RNF152: variants seen among roughly 807,000 people sequenced by gnomAD.
RNF152 encodes E3 ubiquitin-protein ligase RNF152.
Under a neutral mutation model 12.7 loss-of-function variants are expected in RNF152, and 11 were observed. That is an observed-to-expected ratio of 0.86 (90% CI 0.54 to 1.43). RNF152 has a LOEUF of 1.43. Among genes scored for constraint, RNF152 ranks in the 40% most tolerant of loss-of-function variants. The pLI, the probability that RNF152 is intolerant of heterozygous loss-of-function variation, is 0.00. For missense variants in RNF152, 255 were observed against 274.8 expected (o/e 0.93, Z 0.51); for synonymous variants, 113 against 120.3 (o/e 0.94, Z 0.40).
chr18:61,853,969 T>A (rs1599298260), intron 1 of RNF152, among the ~76,000 whole-genome samples: 1 of 152,054 alleles, frequency 6.6e-6, no homozygotes, highest in Non-Finnish European at 1.5e-5. Flanking sequence ...ATTTTTCAAC[T>A]GAGAAAACTC....
upstream of RNF152, chr18:61,893,205 C>T (rs1913044004): frequency 6.6e-6 from 1 of 152,258 alleles, no homozygotes; most frequent in Admixed American, 6.5e-5. Context: ...GAAATCGGAG[C>T]AGGTGGGGAA....
intron 1 of RNF152, among the ~76,000 whole-genome samples, 172 bp from the exon 2 acceptor site, chr18:61,816,770 G>C (rs1320690565): frequency 6.6e-6 from 1 of 152,190 alleles, no homozygotes; most frequent in African/African-American, 2.4e-5. Flanking sequence ...AAAGGCGAAT[G>C]AAAGTTGTCT....
intron 1 of RNF152, among the ~76,000 whole-genome samples, chr18:61,870,748 C>A (rs1911953243): frequency 6.6e-6 from 1 of 152,022 alleles, no homozygotes; most frequent in Non-Finnish European, 1.5e-5. Flanking sequence ...GAAGTGAAAC[C>A]CACATAAGGC....
intron 1 of RNF152, among the ~76,000 whole-genome samples, chr18:61,861,441 G>A (rs1394995510): frequency 3.3e-5 from 5 of 152,126 alleles, no homozygotes; most frequent in Non-Finnish European, 5.9e-5. Context: ...GCCTATATGT[G>A]TACTGGGCTA....
chr18:61,844,852 C>T (rs1400154230), intron 1 of RNF152, among the ~76,000 whole-genome samples: 2 of 151,728 alleles, frequency 1.3e-5, no homozygotes, highest in African/African-American at 2.4e-5. Context: ...TTTAGATATT[C>T]GCAATGGCCT....
chr18:61,827,542 A>G (rs1909725653), intron 1 of RNF152, among the ~76,000 whole-genome samples: 1 of 152,212 alleles, frequency 6.6e-6, no homozygotes, highest in Non-Finnish European at 1.5e-5. Flanking sequence ...CCCAGAGAAC[A>G]TTCTATATTA....
intron 1 of RNF152, among the ~76,000 whole-genome samples, chr18:61,885,388 A>C (rs999910997): frequency 1.3e-5 from 2 of 152,128 alleles, no homozygotes; most frequent in Non-Finnish European, 2.9e-5. Context: ...ACTCACTGCA[A>C]CTTCTGCCTC....
At chr18:61,890,339 G>C (rs969336625) in intron 1 of RNF152, 4 of 152,192 alleles carry the variant, frequency 2.6e-5, no homozygotes, top group African/African-American at 7.2e-5. Context: ...CATATGCCCA[G>C]TTCTGGCCAA....
At chr18:61,831,240 T>A (rs535195125) in intron 1 of RNF152, among the ~76,000 whole-genome samples, 1 of 152,282 alleles carries the variant, frequency 6.6e-6, no homozygotes, top group African/African-American at 2.4e-5. Context: ...CTGTCGCTAG[T>A]CCACAGCCAC....
chr18:61,866,531 C>A (rs1210842828), intron 1 of RNF152, among the ~76,000 whole-genome samples: 5 of 152,198 alleles, frequency 3.3e-5, no homozygotes, highest in Non-Finnish European at 5.9e-5. Flanking sequence ...AGGCCACACA[C>A]CCCAGCAGGG....
At chr18:61,848,168 C>T (rs1160905836) in intron 1 of RNF152, among the ~76,000 whole-genome samples, 2 of 152,186 alleles carry the variant, frequency 1.3e-5, no homozygotes, top group East Asian at 1.9e-4. Context: ...CCTCTGGGCT[C>T]CTCTCACATC....
At chr18:61,839,045 C>T (rs1910319937) in intron 1 of RNF152, among the ~76,000 whole-genome samples, 1 of 138,920 alleles carries the variant, frequency 7.2e-6, no homozygotes, top group Admixed American at 7.6e-5. Context: ...TCAGATCCCA[C>T]TCTGTGGCCA....
At chr18:61,855,881 A>G (rs888911026) in intron 1 of RNF152, among the ~76,000 whole-genome samples, 4 of 152,200 alleles carry the variant, frequency 2.6e-5, no homozygotes, top group African/African-American at 4.8e-5. Context: ...ATCCCGTGAC[A>G]AAAGCCTCAA....
At chr18:61,849,135 A>G (rs1910860521) in intron 1 of RNF152, among the ~76,000 whole-genome samples, 1 of 152,082 alleles carries the variant, frequency 6.6e-6, no homozygotes, top group Non-Finnish European at 1.5e-5. Flanking sequence ...CTCTCGCTCC[A>G]CTGAGGGGAG....
intron 1 of RNF152, among the ~76,000 whole-genome samples, chr18:61,842,888 A>G (rs955123620): frequency 2.6e-5 from 4 of 152,186 alleles, no homozygotes; most frequent in East Asian, 1.9e-4. Flanking sequence ...TCATAATTCA[A>G]TCATCTCCTA....
intron 1 of RNF152, among the ~76,000 whole-genome samples, chr18:61,866,995 T>C (rs1469775900): frequency 6.6e-6 from 1 of 152,232 alleles, no homozygotes; most frequent in East Asian, 1.9e-4. Flanking sequence ...GTGGGCTTAT[T>C]AAACACTGCA....
intron 1 of RNF152, among the ~76,000 whole-genome samples, chr18:61,881,300 C>T (rs764634130): frequency 6.6e-5 from 10 of 152,066 alleles, no homozygotes; most frequent in African/African-American, 1.2e-4. Flanking sequence ...TTATAGCGAA[C>T]GACACCAGTC....
intron 1 of RNF152, among the ~76,000 whole-genome samples, chr18:61,844,065 GAC>G (rs1910583056): frequency 8.0e-6 from 1 of 125,756 alleles, no homozygotes; most frequent in Non-Finnish European, 1.7e-5. Flanking sequence ...AAGAGAGAAA[GAC>G]AGAAAGAAAG....
At chr18:61,856,477 T>A (rs1305557651) in intron 1 of RNF152, among the ~76,000 whole-genome samples, 1 of 152,074 alleles carries the variant, frequency 6.6e-6, no homozygotes, top group East Asian at 1.9e-4. Flanking sequence ...GGGAAGACAG[T>A]CTTGAGATGC....
Sources: gnomAD v4.1 joint callset for allele counts (sites outside exome capture counted in the v4.1 genomes callset) on GRCh38, gnomAD v4.1.1 for gene constraint, MANE v1.5 for transcripts, NCBI Gene and HGNC (gene_info 2026-07-23, HGNC 2026-07-21) for gene names.